Variants in LRFN5 observed in about 807,000 individuals in gnomAD.
LRFN5 encodes leucine-rich repeat and fibronectin type-III domain-containing protein 5.
Under a neutral mutation model 45.6 loss-of-function variants are expected in LRFN5, and 24 were observed. The observed-to-expected ratio is 0.53, with a 90% confidence interval of 0.38 to 0.74. LRFN5 has a LOEUF of 0.74. LRFN5 is among the 30% of genes least tolerant of loss of function. LRFN5 has a pLI of 0.00. For missense variants in LRFN5, 776 were observed against 861.5 expected (o/e 0.90, Z 1.24); for synonymous variants, 340 against 313.8 (o/e 1.08, Z -0.88).
At chr14:41,673,989 GAGACGCTGCTCACTTCCC>G (rs1881422244) in intron 1 of LRFN5, among the ~76,000 whole-genome samples, 1 of 143,064 alleles carries the variant, frequency 7.0e-6, no homozygotes, top group Non-Finnish European at 1.5e-5. Context: ...CTGCCGGGCG[GAGACGCTGCTCACTTCCC>G]AGACGCGGTG....
At position 41,886,975 on chromosome 14, in the gene LRFN5, A is replaced by C. The variant is rs111434182; in HGVS notation, c.350A>C (p.Asp117Ala). ...AACAGATTGACTAAAATTACAAATG[A>C]TATGTTCAGTGGTCTTTCCAATCTT... is the stretch of plus-strand genomic sequence containing the variant. ...NSNRLTKITNDMFSGLSNLHH... is the reference protein window; with the variant it reads ...NSNRLTKITNAMFSGLSNLHH... The change falls in exon 3 of 6, where the codon GAT becomes GCT. Residue 117 changes from aspartate to alanine, a missense_variant. Around this residue, in one of 2 missense-constraint regions of LRFN5, gnomAD observed 311 missense variants for 405.1 expected, o/e 0.77. Transcript: ENST00000298119. 2.5e-6 allele frequency: 4 copies of C among 1,614,204 alleles called. No individual in the cohort carries two copies. The highest frequency in any genetic ancestry group is 1.7e-6 in the Non-Finnish European group (2 of 1,180,032).
intron 1 of LRFN5, among the ~76,000 whole-genome samples, chr14:41,684,508 C>T (rs1882036456): frequency 6.6e-6 from 1 of 152,126 alleles, no homozygotes; most frequent in Admixed American, 6.6e-5. Flanking sequence ...ACCTCACTAT[C>T]ACAAGACAGC....
At chr14:41,622,241 G>A (rs543364936) in intron 1 of LRFN5, among the ~76,000 whole-genome samples, 1 of 150,890 alleles carries the variant, frequency 6.6e-6, no homozygotes, top group African/African-American at 2.4e-5. Context: ...ATTTTGGTTT[G>A]ATAATTAGTG....
At chr14:41,789,335 G>A (rs1886837258) in intron 2 of LRFN5, among the ~76,000 whole-genome samples, 1 of 151,824 alleles carries the variant, frequency 6.6e-6, no homozygotes, top group South Asian at 2.1e-4. Flanking sequence ...CCAGTATATG[G>A]ATAATATTTT....
rs192409758 is a variant in LRFN5 at position 41,856,486 on chromosome 14, G to A, written c.-20-30120G>A. Among the ~76,000 whole-genome samples, 8 of 151,908 alleles carry A rather than the reference G, an allele frequency of 5.3e-5. No individual in the cohort carries two copies. The East Asian group carries it at 1.6e-3, about 30-fold the overall frequency. ...CCGTCAAGGAGTTAAAGCCCTGGTG[G>A]AGGCAGTAATGGAAGAAAAAACTTA... On this transcript the variant is annotated intron_variant, in intron 2 of 5. Coordinates refer to ENST00000298119, the MANE Select transcript of LRFN5 (RefSeq NM_152447.5).
intron 1 of LRFN5, among the ~76,000 whole-genome samples, chr14:41,646,903 C>T (rs1209963300): frequency 6.6e-6 from 1 of 152,170 alleles, no homozygotes; most frequent in Non-Finnish European, 1.5e-5. Context: ...GATCAAGCCA[C>T]ACTCTGGGTG....
At chr14:41,649,121 C>A (rs977794973) in intron 1 of LRFN5, among the ~76,000 whole-genome samples, 51 of 151,898 alleles carry the variant, frequency 3.4e-4, no homozygotes, top group African/African-American at 1.2e-3. Context: ...GTCATCCCAG[C>A]TACTCGGAAG....
Position 41,637,828 on chromosome 14 carries a change from C to T in LRFN5, c.-197+29266C>T, listed in dbSNP as rs1879377880. ...ATAATTTCGAGGGAGTCCTTAGAAC[C>T]TTTTAGACAAGATCAGATTGTCATG... On this transcript the variant is annotated intron_variant, in intron 1 of 5. Transcript: ENST00000298119. Among the ~76,000 whole-genome samples, 3 of 152,092 alleles carry T rather than the reference C, an allele frequency of 2.0e-5. No individual in the cohort carries two copies. The South Asian group carries it at 6.2e-4, about 32-fold the overall frequency.
intron 2 of LRFN5, among the ~76,000 whole-genome samples, chr14:41,784,321 T>G (rs1566439350): frequency 1.3e-5 from 2 of 152,138 alleles, no homozygotes; most frequent in Non-Finnish European, 2.9e-5. Flanking sequence ...TCTCTAATAG[T>G]GCCAATCCTC....
In LRFN5 at chr14:41,891,941, A is replaced by G. The variant is rs745914366; in HGVS notation, c.2077A>G (p.Lys693Glu). Reference sequence around the variant, plus strand: ...TTCTGTCACAGAGGGGCCCACGTCTAAAAGAGCACATATAAAGCCAAGTAA... The same window carrying G: ...TTCTGTCACAGAGGGGCCCACGTCTGAAAGAGCACATATAAAGCCAAGTAA... ...PDSVTEGPTSKRAHIKPNALL... is the reference protein window; with the variant it reads ...PDSVTEGPTSERAHIKPNALL... The change falls in exon 4 of 6, where the codon AAA becomes GAA. Residue 693 changes from lysine to glutamate, a missense_variant. Transcript: ENST00000298119. 1 of 1,613,588 alleles carries G rather than the reference A, an allele frequency of 6.2e-7. No homozygotes were observed.
intron 1 of LRFN5, among the ~76,000 whole-genome samples, chr14:41,706,028 C>T (rs1412927918): frequency 6.6e-6 from 1 of 152,152 alleles, no homozygotes; most frequent in African/African-American, 2.4e-5. Flanking sequence ...CAACCATATG[C>T]ACATTGATAT....
intron 1 of LRFN5, among the ~76,000 whole-genome samples, chr14:41,729,288 G>A (rs1304175550): frequency 6.6e-6 from 1 of 151,932 alleles, no homozygotes; most frequent in African/African-American, 2.4e-5. Context: ...AAAGAGTGTA[G>A]CACCTCCCTT....
chr14:41,774,511 A>G (rs971809821), intron 2 of LRFN5, among the ~76,000 whole-genome samples: 2 of 152,180 alleles, frequency 1.3e-5, no homozygotes, highest in African/African-American at 4.8e-5. Flanking sequence ...TTGATTATAA[A>G]TGCTAACATA....
chr14:41,742,452 A>C lies in LRFN5; in HGVS notation c.-196-24402A>C, dbSNP rs573078488. Among the ~76,000 whole-genome samples, 13 of 152,260 alleles carry C rather than the reference A, an allele frequency of 8.5e-5. No individual in the cohort carries two copies. The East Asian group carries it at 1.2e-3, about 14-fold the overall frequency. ...GAATTCAGCCAGTCATAGAAAGACA[A>C]ATAGTTTATGATCTAACTTATATGT... On this transcript the variant is annotated intron_variant, in intron 1 of 5. Transcript: ENST00000298119.
At chr14:41,608,589 A>G (rs1887600228) in intron 1 of LRFN5, 27 bp downstream of exon 1, 1 of 152,628 alleles carries the variant, frequency 6.6e-6, no homozygotes, top group African/African-American at 2.4e-5. Flanking sequence ...TACTCGCCTC[A>G]CCCAATTTCC....
intron 2 of LRFN5, among the ~76,000 whole-genome samples, chr14:41,819,743 CAAGA>C (rs1888046762): frequency 6.6e-6 from 1 of 151,990 alleles, no homozygotes; most frequent in Non-Finnish European, 1.5e-5. Context: ...ACTAGAGTGC[CAAGA>C]ACGATGGTGT....
intron 2 of LRFN5, among the ~76,000 whole-genome samples, chr14:41,810,695 T>C (rs997077880): frequency 6.6e-6 from 1 of 152,092 alleles, no homozygotes. Flanking sequence ...ATATTTATCA[T>C]TAAGTTGTAT....
chr14:41,611,136 A>G (rs886685143), intron 1 of LRFN5, among the ~76,000 whole-genome samples: 1 of 152,230 alleles, frequency 6.6e-6, no homozygotes, highest in African/African-American at 2.4e-5. Context: ...AAGGCAAAGC[A>G]AATGCATTAA....
At chr14:41,610,661 T>TAAAAAAAAA (rs199770856) in intron 1 of LRFN5, among the ~76,000 whole-genome samples, 971 of 37,208 alleles carry the variant, frequency 0.026, 161 homozygotes, top group African/African-American at 0.062. Flanking sequence ...CCAGGGAAGG[T>TAAAAAAAAA]AAAAAAAAAA....
Sources: gnomAD v4.1 joint callset for allele counts (sites outside exome capture counted in the v4.1 genomes callset) on GRCh38, gnomAD v4.1.1 for gene constraint, gnomAD v4.1.1 regional missense constraint, MANE v1.5 for transcripts, NCBI Gene and HGNC (gene_info 2026-07-23, HGNC 2026-07-21) for gene names.